MAN2A1: variants seen among roughly 807,000 people sequenced by gnomAD.
MAN2A1 encodes the protein mannosidase alpha class 2A member 1, also known as alpha-mannosidase 2.
In MAN2A1, 76 loss-of-function variants were observed where a neutral mutation model predicts 142.6. The observed-to-expected ratio is 0.53, with a 90% CI of 0.44 to 0.65. The LOEUF is 0.65. Among genes scored for constraint, MAN2A1 ranks in the 30% least tolerant of loss-of-function variants. The probability of loss-of-function intolerance (pLI) is 0.00; values close to 1 mark genes in which losing one functional copy is unlikely to be tolerated. For synonymous variants in MAN2A1, 559 were observed against 473.2 expected (o/e 1.18, Z -2.35); for missense variants, 1,311 against 1,365.1 (o/e 0.96, Z 0.62).
chr5:109,854,423 AATC>A (rs1426796711), intron 19 of MAN2A1: 1 of 152,170 alleles, frequency 6.6e-6, no homozygotes, highest in Non-Finnish European at 1.5e-5. Flanking sequence ...TATATGGAAT[AATC>A]ATATACTATG....
At chr5:109,748,710 GGCAGATAGACA>G (rs762562452) in intron 4 of MAN2A1, among the ~76,000 whole-genome samples, 3 of 151,962 alleles carry the variant, frequency 2.0e-5, no homozygotes, top group Non-Finnish European at 4.4e-5. Flanking sequence ...AAACATTCCA[GGCAGATAGACA>G]GCATGGACAG....
At chr5:109,801,536 G>A (rs73781806) in intron 12 of MAN2A1, among the ~76,000 whole-genome samples, 12,677 of 152,090 alleles carry the variant, frequency 0.083, 609 homozygotes, top group African/African-American at 0.15. Flanking sequence ...TATCAATAAA[G>A]GAGAAAGAGA....
chr5:109,819,519 T>C (rs749692620), intron 13 of MAN2A1, 150 bp from the exon 14 acceptor site: 1 of 465,450 alleles, frequency 2.1e-6, no homozygotes, highest in Non-Finnish European at 3.8e-6. Context: ...TGGTTGAAAC[T>C]GTGGACATGG....
chr5:109,807,130 A>T (rs2216556), intron 12 of MAN2A1, among the ~76,000 whole-genome samples: 65,835 of 151,880 alleles, frequency 0.43, 15,243 homozygotes, highest in African/African-American at 0.6. Flanking sequence ...TCCCTTGTGA[A>T]TACAGGAGAG....
chr5:109,790,191 T>G (rs980395278), intron 12 of MAN2A1, among the ~76,000 whole-genome samples: 3 of 151,892 alleles, frequency 2.0e-5, no homozygotes, highest in African/African-American at 7.2e-5. Flanking sequence ...AGTGGTTATT[T>G]TTTGTAATAT....
At chr5:109,721,590 A>G (rs1384772472) in intron 3 of MAN2A1, among the ~76,000 whole-genome samples, 1 of 152,194 alleles carries the variant, frequency 6.6e-6, no homozygotes. Flanking sequence ...TTGTTAAGAA[A>G]ATTGTAGCAC....
chr5:109,827,638 G>T (rs1182689490), intron 16 of MAN2A1, among the ~76,000 whole-genome samples: 1 of 152,216 alleles, frequency 6.6e-6, no homozygotes, highest in Non-Finnish European at 1.5e-5. Context: ...CAGAAGTGCA[G>T]TTGAAGGGCT....
intron 10 of MAN2A1, among the ~76,000 whole-genome samples, chr5:109,787,647 C>G (rs1002728828): frequency 2.6e-5 from 4 of 151,908 alleles, no homozygotes; most frequent in Admixed American, 2.6e-4. Context: ...TCCTGGCTTT[C>G]ACTCAGTTTA....
chr5:109,736,314 A>T (rs536351490), intron 4 of MAN2A1, among the ~76,000 whole-genome samples: 37 of 152,268 alleles, frequency 2.4e-4, no homozygotes, highest in African/African-American at 8.9e-4. Flanking sequence ...GGAAAACCAC[A>T]TAAGCATTGA....
At chr5:109,835,323 T>C (rs961993305) in intron 16 of MAN2A1, among the ~76,000 whole-genome samples, 4 of 152,228 alleles carry the variant, frequency 2.6e-5, no homozygotes, top group Admixed American at 1.3e-4. Flanking sequence ...GATTCTGTCA[T>C]CCTCTCTGCT....
chr5:109,783,401 G>A (rs182361006), intron 9 of MAN2A1, among the ~76,000 whole-genome samples: 1 of 152,150 alleles, frequency 6.6e-6, no homozygotes, highest in Admixed American at 6.5e-5. Context: ...ATTTTAGGGT[G>A]TCTGGATATG....
At chr5:109,778,935 T>A (rs1038505303) in intron 8 of MAN2A1, among the ~76,000 whole-genome samples, 12 of 152,304 alleles carry the variant, frequency 7.9e-5, no homozygotes, top group Admixed American at 7.2e-4. Context: ...CATTTGATCA[T>A]CATTTAACAA....
At chr5:109,833,543 G>C (rs961928973) in intron 16 of MAN2A1, among the ~76,000 whole-genome samples, 66 of 152,118 alleles carry the variant, frequency 4.3e-4, no homozygotes, top group Non-Finnish European at 7.6e-4. Flanking sequence ...GGAGGCGTGC[G>C]CCTGCAATCC....
At chr5:109,842,830 G>A (rs1268400114) in intron 17 of MAN2A1, among the ~76,000 whole-genome samples, 1 of 69,488 alleles carries the variant, frequency 1.4e-5, no homozygotes, top group African/African-American at 5.9e-5. Flanking sequence ...TTTTGAGAAA[G>A]AGTCTCGCTC....
chr5:109,777,963 A>G (rs1753341122), intron 8 of MAN2A1, among the ~76,000 whole-genome samples: 1 of 152,022 alleles, frequency 6.6e-6, no homozygotes, highest in African/African-American at 2.4e-5. Context: ...ACAGTTTTAT[A>G]ATAGGTTTTA....
rs1554070826 is a variant in MAN2A1 at position 109,690,367 on chromosome 5, C to G, written c.-51C>G. The G allele has an allele frequency of 3.1e-6, 5 of 1,608,092 alleles. No individual in the cohort carries two copies. The Admixed American group carries it at 8.3e-5, about 27-fold the overall frequency. ...GCTGCTTCCTAGAGTCCACAGTGCG[C>G]TGTCTCCTTTGGCTGAGGAGAGTGT... is the stretch of plus-strand genomic sequence containing the variant. On this transcript the variant is annotated 5_prime_UTR_variant, in exon 1 of 22. Transcript: ENST00000261483.
chr5:109,739,256 A>C (rs990514084), intron 4 of MAN2A1, among the ~76,000 whole-genome samples: 4 of 152,142 alleles, frequency 2.6e-5, no homozygotes, highest in African/African-American at 9.7e-5. Context: ...TTTATTTATG[A>C]AATTTCAAAT....
At chr5:109,824,030 A>G (rs1754697833) in intron 16 of MAN2A1, among the ~76,000 whole-genome samples, 193 bp downstream of exon 16, 1 of 152,242 alleles carries the variant, frequency 6.6e-6, no homozygotes, top group Non-Finnish European at 1.5e-5. Context: ...CAATCCCTAC[A>G]TATACATGTT....
intron 14 of MAN2A1, 43 bp from the exon 15 acceptor site, chr5:109,820,177 T>A (rs755948172): frequency 6.5e-7 from 1 of 1,529,080 alleles, no homozygotes; most frequent in African/African-American, 1.4e-5. Context: ...ATGCTTAACA[T>A]CTTAGTGGTG....
Sources: gnomAD v4.1 joint callset for allele counts (sites outside exome capture counted in the v4.1 genomes callset) on GRCh38, gnomAD v4.1.1 for gene constraint, MANE v1.5 for transcripts, NCBI Gene and HGNC (gene_info 2026-07-23, HGNC 2026-07-21) for gene names.